Variants in ZNF146 observed in about 807,000 individuals in gnomAD.
ZNF146 encodes the protein zinc finger protein OZF.
A neutral mutation model predicts 22.2 loss-of-function variants in ZNF146; 9 were observed. The ratio of observed to expected loss-of-function variants is 0.41; its 90% CI spans 0.24 to 0.71. The LOEUF is 0.71. Among genes scored for constraint, ZNF146 ranks in the 30% least tolerant of loss-of-function variants. ZNF146 has a pLI of 0.34. For synonymous variants in ZNF146, 108 were observed against 119.2 expected (o/e 0.91, Z 0.61); for missense variants, 194 against 344.8 (o/e 0.56, Z 3.46).
In ZNF146 at chr19:36,235,825, AC is replaced by A. The variant is rs1457790118; in HGVS notation, c.-614del. 6.6e-6 allele frequency: 1 copy of A among 152,188 alleles called. No individual in the cohort carries two copies. Among genetic ancestry groups the A allele is most frequent in the Non-Finnish European group, 1.5e-5 (1 of 68,050 alleles). 9.4% of individuals were successfully genotyped at this position (152,188 alleles called of 1,614,324 possible). A position where few individuals can be genotyped will look rare whatever the true frequency, so the allele number is the denominator to read the frequency against. ...CAGATCGTATTTGTTTTAAGGCCACACCTTTTTGAAGTTTTCAGTTTGAAAC... is the reference window on the plus strand; with the variant it reads ...CAGATCGTATTTGTTTTAAGGCCACACTTTTTGAAGTTTTCAGTTTGAAAC... On this transcript the variant is annotated 5_prime_UTR_variant, in exon 4 of 4. Coordinates refer to ENST00000443387, the MANE Select transcript of ZNF146 (RefSeq NM_007145.3).
Position 36,236,464 on chromosome 19 carries a change from A to C in ZNF146, c.24A>C (p.Arg8Ser), listed in dbSNP as rs1384573668. The stretch of plus-strand genomic sequence containing the variant: ...AGATGTCACACCTCAGCCAGCAGAG[A>C]ATTTACAGTGGGGAAAACCCCTTTG... MSHLSQQRIYSGENPFAC... is the reference protein window; with the variant it reads MSHLSQQSIYSGENPFAC... Residue 8 changes from arginine (R) to serine (S), a missense_variant, in exon 4 of 4, where the codon AGA becomes AGC. By Grantham distance (110) the Arg-to-Ser change is moderately radical (BLOSUM62 -1). Coordinates refer to ENST00000443387, the MANE Select transcript of ZNF146 (RefSeq NM_007145.3). 1.2e-5 allele frequency: 19 copies of C among 1,608,496 alleles called. No homozygotes were observed. The East Asian group carries it at 4.0e-4, about 34-fold the overall frequency.
At chr19:36,215,051 G>T (rs1331727323), upstream of ZNF146, 1 of 152,328 alleles carries the variant, frequency 6.6e-6, no homozygotes, top group Non-Finnish European at 1.5e-5. Flanking sequence ...GCCTGGCCGC[G>T]GTGACCGAGG....
intron 1 of ZNF146, among the ~76,000 whole-genome samples, chr19:36,216,194 G>C (rs560378199): frequency 3.3e-5 from 5 of 152,238 alleles, no homozygotes; most frequent in African/African-American, 1.2e-4. Flanking sequence ...TACAATAGCA[G>C]TAAAAAGATA....
intron 2 of ZNF146, among the ~76,000 whole-genome samples, chr19:36,222,115 G>A (rs776513805): frequency 6.6e-6 from 1 of 151,806 alleles, no homozygotes; most frequent in Non-Finnish European, 1.5e-5. Context: ...TTGTAGAGAT[G>A]AGGTCTCACT....
chr19:36,227,645 C>T (rs956744860), intron 2 of ZNF146, among the ~76,000 whole-genome samples: 7 of 152,118 alleles, frequency 4.6e-5, no homozygotes, highest in Admixed American at 2.6e-4. Context: ...ATCTTGAACT[C>T]CTGGGCTCAA....
intron 3 of ZNF146, among the ~76,000 whole-genome samples, chr19:36,232,392 A>G (rs536161963): frequency 5.9e-4 from 90 of 151,960 alleles, no homozygotes; most frequent in African/African-American, 2.1e-3. Flanking sequence ...CTGCTTGTCC[A>G]TTACTTCATA....
At chr19:36,233,319 G>A (rs1190205259) in intron 3 of ZNF146, among the ~76,000 whole-genome samples, 1 of 152,202 alleles carries the variant, frequency 6.6e-6, no homozygotes, top group Non-Finnish European at 1.5e-5. Flanking sequence ...GGCCGAGGTT[G>A]CAGTGAGTCG....
rs1463250911 is a variant in ZNF146 at position 36,237,534 on chromosome 19, A to T, written c.*215A>T. 2.2e-6 allele frequency: 1 copy of T among 444,690 alleles called. No individual in the cohort carries two copies. The highest frequency in any genetic ancestry group is 2.0e-5 in the African/African-American group (1 of 49,152). 27.5% of individuals were successfully genotyped at this position (444,690 alleles called of 1,614,324 possible). A position where few individuals can be genotyped will look rare whatever the true frequency, so the allele number is the denominator to read the frequency against. ...CAACAGAGAAACCTGCAGCAGAGAT[A>T]ATGGTGAAAGTTTAGGCACATTTTC... On this transcript the variant is annotated 3_prime_UTR_variant, in exon 4 of 4. Transcript: ENST00000443387.
intron 1 of ZNF146, among the ~76,000 whole-genome samples, chr19:36,215,428 G>C (rs73931512): frequency 2.0e-5 from 3 of 152,200 alleles, no homozygotes; most frequent in African/African-American, 4.8e-5. Context: ...GTGCGGGATT[G>C]TGTGTGATTG....
intron 2 of ZNF146, among the ~76,000 whole-genome samples, chr19:36,224,800 C>T (rs1977000165): frequency 3.9e-5 from 6 of 151,936 alleles, no homozygotes; most frequent in Admixed American, 1.3e-4. Flanking sequence ...GTACGTGATA[C>T]GTATTCTCGT....
intron 3 of ZNF146, among the ~76,000 whole-genome samples, chr19:36,234,547 G>A (rs1290411729): frequency 6.6e-6 from 1 of 152,014 alleles, no homozygotes; most frequent in Admixed American, 6.6e-5. Context: ...CTGGTTGCTC[G>A]CCACCACGCC....
chr19:36,215,570 G>T (rs191483942), intron 1 of ZNF146, among the ~76,000 whole-genome samples: 26 of 152,124 alleles, frequency 1.7e-4, no homozygotes, highest in Admixed American at 1.2e-3. Flanking sequence ...AATTGAAGGG[G>T]TGGAAAAGCT....
At chr19:36,215,966 A>G (rs901682502) in intron 1 of ZNF146, among the ~76,000 whole-genome samples, 3 of 152,166 alleles carry the variant, frequency 2.0e-5, no homozygotes, top group Non-Finnish European at 4.4e-5. Flanking sequence ...AGGCGTTCTC[A>G]GGTTGTATGG....
In ZNF146 at chr19:36,231,772, C is replaced by T. The variant is rs560891475; in HGVS notation, c.-783+2953C>T. 7.2e-5 allele frequency among the ~76,000 whole-genome samples: 11 copies of T among 152,242 alleles called. 1 individual carries two copies. The South Asian group carries it at 2.3e-3, about 32-fold the overall frequency. ...TAGGATCAGTCAAGCCTTAAAAAGA[C>T]ACACTAAGCTCTCTTTAATAGAGAA... On this transcript the variant is annotated intron_variant, in intron 3 of 3. Transcript: ENST00000443387.
chr19:36,224,762 T>C (rs1197542830), intron 2 of ZNF146, among the ~76,000 whole-genome samples: 1 of 152,222 alleles, frequency 6.6e-6, no homozygotes, highest in African/African-American at 2.4e-5. Flanking sequence ...ATAGGGACAT[T>C]TTTATGACAT....
chr19:36,229,554 CCTT>C (rs1204741147), intron 3 of ZNF146, among the ~76,000 whole-genome samples: 6 of 152,116 alleles, frequency 3.9e-5, no homozygotes, highest in East Asian at 1.9e-4. Flanking sequence ...TCACGTATAT[CCTT>C]CTTGAGGTAA....
rs1568437708 is a variant in ZNF146 at position 36,236,535 on chromosome 19, C to CTGAGCA, written c.103_108dup (p.Glu35_His36dup). ...GTCTTCAGCCACAAATCAAACCTCA[C>CTGAGCA]TGAGCATGAGCATTTTCACACGAGA... On this transcript the variant is annotated inframe_insertion, in exon 4 of 4. Coordinates refer to ENST00000443387, the MANE Select transcript of ZNF146 (RefSeq NM_007145.3). The CTGAGCA allele has an allele frequency of 6.2e-7, 1 of 1,614,212 alleles. No homozygotes were observed.
At position 36,237,407 on chromosome 19, in the gene ZNF146, G is replaced by A; in HGVS notation, c.*88G>A. ...CCAGAAATAATCCTTCTGAAGCAAA[G>A]CACCACGAATGAGGTTAACTTTAAC... On this transcript the variant is annotated 3_prime_UTR_variant, in exon 4 of 4. Coordinates refer to ENST00000443387, the MANE Select transcript of ZNF146 (RefSeq NM_007145.3). 6.8e-7 allele frequency: 1 copy of A among 1,466,122 alleles called. No homozygotes were observed. The highest frequency in any genetic ancestry group is 1.4e-5 in the South Asian group (1 of 69,216). 90.8% of individuals were successfully genotyped at this position (1,466,122 alleles called of 1,614,324 possible).
chr19:36,227,988 CTG>C (rs1333598891), intron 2 of ZNF146, among the ~76,000 whole-genome samples: 1 of 152,084 alleles, frequency 6.6e-6, no homozygotes, highest in Admixed American at 6.5e-5. Flanking sequence ...TGGTGAAACT[CTG>C]TCTCTACTAA....
Sources: allele counts gnomAD v4.1 joint callset (sites outside exome capture counted in the v4.1 genomes callset), GRCh38; gene constraint gnomAD v4.1.1; transcripts MANE v1.5; gene names NCBI Gene and HGNC (gene_info 2026-07-23, HGNC 2026-07-21).